Variants in SHISA9 observed in about 807,000 individuals in gnomAD.
The protein encoded by SHISA9 is shisa family member 9, also known as protein shisa-9.
A neutral mutation model predicts 38.0 loss-of-function variants in SHISA9; 13 were observed. That is an observed-to-expected ratio of 0.34 (90% CI 0.22 to 0.54). The LOEUF (loss-of-function observed/expected upper bound fraction) is 0.54, where lower values mean the gene tolerates loss of function less well. SHISA9 is among the 20% of genes least tolerant of loss of function. The pLI is 0.91. For missense variants in SHISA9, 538 were observed against 575.8 expected (o/e 0.93, Z 0.67); for synonymous variants, 275 against 242.0 (o/e 1.14, Z -1.27).
At chr16:13,274,935 C>T in the SHISA9 span, among the ~76,000 whole-genome samples, 2 of 152,108 alleles carry the variant, frequency 1.3e-5, no homozygotes, top group Non-Finnish European at 2.9e-5. Flanking sequence ...TGGCCCAGAG[C>T]GCTAATGATT....
the SHISA9 span, among the ~76,000 whole-genome samples, chr16:13,434,757 TTC>T: frequency 6.6e-6 from 1 of 152,136 alleles, no homozygotes; most frequent in East Asian, 1.9e-4. Context: ...TACTCAATAA[TTC>T]TCATTAGAAT....
chr16:13,226,924 G>A (rs204030), intron 4 of SHISA9, among the ~76,000 whole-genome samples: 37,169 of 152,100 alleles, frequency 0.24, 5,231 homozygotes, highest in South Asian at 0.39. Context: ...ATAATGCCAG[G>A]ACATATTCAA....
intron 2 of SHISA9, among the ~76,000 whole-genome samples, chr16:13,150,122 C>CCCCATT (rs1206070784): frequency 6.6e-6 from 1 of 150,822 alleles, no homozygotes; most frequent in Non-Finnish European, 1.5e-5. Context: ...TCTAAGGAGG[C>CCCCATT]CCCATTCTTT....
intron 2 of SHISA9, among the ~76,000 whole-genome samples, chr16:12,918,210 T>C (rs2071282944): frequency 6.6e-6 from 1 of 152,178 alleles, no homozygotes; most frequent in African/African-American, 2.4e-5. Flanking sequence ...ATATGGTAAA[T>C]GGCATCAATT....
At chr16:13,486,609 C>CT in the SHISA9 span, among the ~76,000 whole-genome samples, 10 of 152,202 alleles carry the variant, frequency 6.6e-5, no homozygotes, top group African/African-American at 2.2e-4. Context: ...TGGAACCATT[C>CT]TTTTTTTTAG....
At chr16:13,362,043 G>A in the SHISA9 span, among the ~76,000 whole-genome samples, 3 of 151,920 alleles carry the variant, frequency 2.0e-5, no homozygotes, top group South Asian at 4.2e-4. Flanking sequence ...CCAGGCCTTC[G>A]TTTTCTCACC....
chr16:13,119,383 A>G (rs2074063183), intron 2 of SHISA9, among the ~76,000 whole-genome samples: 1 of 152,194 alleles, frequency 6.6e-6, no homozygotes, highest in Non-Finnish European at 1.5e-5. Flanking sequence ...CATAGGAATA[A>G]GGACTAGATT....
At chr16:13,320,980 C>T in the SHISA9 span, among the ~76,000 whole-genome samples, 20 of 152,144 alleles carry the variant, frequency 1.3e-4, no homozygotes, top group African/African-American at 4.8e-4. Context: ...ACTTGGTAGC[C>T]GTTAACCAGA....
chr16:13,505,408 C>G, the SHISA9 span, among the ~76,000 whole-genome samples: 2 of 152,240 alleles, frequency 1.3e-5, no homozygotes, highest in South Asian at 4.2e-4. Context: ...GGTCTTTCAT[C>G]TGGATTAACA....
At chr16:13,245,608 A>C in the SHISA9 span, among the ~76,000 whole-genome samples, 1 of 152,162 alleles carries the variant, frequency 6.6e-6, no homozygotes, top group Non-Finnish European at 1.5e-5. Context: ...ATTTTTCGCC[A>C]CTCATAGAAG....
At chr16:13,467,206 TGA>T in the SHISA9 span, among the ~76,000 whole-genome samples, 1 of 152,080 alleles carries the variant, frequency 6.6e-6, no homozygotes, top group African/African-American at 2.4e-5. Context: ...ATCAGTGCAC[TGA>T]GAGAGGAAGA....
chr16:13,474,749 A>G, the SHISA9 span, among the ~76,000 whole-genome samples: 25 of 152,358 alleles, frequency 1.6e-4, no homozygotes, highest in Admixed American at 1.0e-3. Context: ...GGTGCCTTTT[A>G]AGGTAAGAAG....
the SHISA9 span, among the ~76,000 whole-genome samples, chr16:13,313,692 T>G: frequency 6.6e-6 from 1 of 152,198 alleles, no homozygotes; most frequent in Non-Finnish European, 1.5e-5. Flanking sequence ...TGGAAAGGCT[T>G]GTAACAAATT....
chr16:13,204,026 TTATC>T lies in SHISA9; in HGVS notation c.847+486_847+489del, dbSNP rs371596446. Among the ~76,000 whole-genome samples, 520 of 152,272 alleles carry T rather than the reference TTATC, an allele frequency of 3.4e-3. 3 individuals are homozygous for T. The highest frequency in any genetic ancestry group is 0.011 in the African/African-American group (439 of 41,552). Reference sequence around the variant, plus strand: ...ATCCATCTATCTACCTACCTATGTATTATCTATCTATCATCCATCCATCCATCCT... The same window carrying T: ...ATCCATCTATCTACCTACCTATGTATTATCTATCATCCATCCATCCATCCT... On this transcript the variant is annotated intron_variant, in intron 3 of 4. Coordinates refer to ENST00000558583, the MANE Select transcript of SHISA9 (RefSeq NM_001145204.3).
intron 2 of SHISA9, among the ~76,000 whole-genome samples, chr16:12,923,080 G>A (rs2071347935): frequency 6.6e-6 from 1 of 152,198 alleles, no homozygotes; most frequent in South Asian, 2.1e-4. Flanking sequence ...TGCTGCCTCA[G>A]CCTTCCGAGT....
chr16:13,117,921 C>T (rs2074046507), intron 2 of SHISA9, among the ~76,000 whole-genome samples: 1 of 152,106 alleles, frequency 6.6e-6, no homozygotes, highest in Admixed American at 6.5e-5. Context: ...ATGGCTCACA[C>T]CTGTAATCCC....
At chr16:13,399,962 C>T in the SHISA9 span, among the ~76,000 whole-genome samples, 5 of 152,218 alleles carry the variant, frequency 3.3e-5, no homozygotes, top group African/African-American at 9.6e-5. Flanking sequence ...GTGCCTAGCA[C>T]AGGGGTTGCC....
chr16:13,079,401 A>G (rs140276515), intron 2 of SHISA9, among the ~76,000 whole-genome samples: 15 of 152,316 alleles, frequency 9.8e-5, no homozygotes, highest in African/African-American at 3.4e-4. Flanking sequence ...TTTACTATAT[A>G]TGATTGTTTT....
intron 2 of SHISA9, among the ~76,000 whole-genome samples, chr16:13,013,203 A>G (rs1430435021): frequency 6.6e-6 from 1 of 152,130 alleles, no homozygotes; most frequent in Non-Finnish European, 1.5e-5. Flanking sequence ...CTCGGTGCTA[A>G]TGAGCTCTGG....
Sources: gnomAD v4.1 joint callset for allele counts (sites outside exome capture counted in the v4.1 genomes callset) on GRCh38, gnomAD v4.1.1 for gene constraint, MANE v1.5 for transcripts, NCBI Gene and HGNC (gene_info 2026-07-23, HGNC 2026-07-21) for gene names.